Variants in FAP observed in about 807,000 individuals in gnomAD.
The protein encoded by FAP is fibroblast activation protein alpha.
In FAP, 110 loss-of-function variants were observed where a neutral mutation model predicts 126.5. That is an observed-to-expected ratio of 0.87 (90% CI 0.74 to 1.02). The LOEUF (loss-of-function observed/expected upper bound fraction) is 1.02, where lower values mean the gene tolerates loss of function less well. Ranked by LOEUF, FAP falls within the 50% of genes least tolerant of loss-of-function variation. The pLI is 0.00. For synonymous variants in FAP, 334 were observed against 297.3 expected (o/e 1.12, Z -1.27); for missense variants, 919 against 909.2 (o/e 1.01, Z -0.14).
chr2:162,225,385 T>C (rs1689594793), intron 4 of FAP, 98 bp downstream of exon 4: 7 of 1,474,518 alleles, frequency 4.7e-6, no homozygotes, highest in East Asian at 4.9e-5. Context: ...GGAAGGCAAG[T>C]TGTGTCCAGA....
intron 24 of FAP, 75 bp downstream of exon 24, chr2:162,173,074 G>A: frequency 7.3e-7 from 1 of 1,366,278 alleles, no homozygotes; most frequent in Admixed American, 1.7e-5. Context: ...AGGCATAGGA[G>A]GATGCTTAAT....
chr2:162,216,740 A>G (rs377564130), intron 9 of FAP, among the ~76,000 whole-genome samples: 1 of 152,140 alleles, frequency 6.6e-6, no homozygotes, highest in East Asian at 1.9e-4. Context: ...GTATGTAATG[A>G]CTCAGTGCTG....
In FAP at chr2:162,219,161, A is replaced by C; in HGVS notation, c.509T>G (p.Ile170Ser). The C allele has an allele frequency of 6.2e-7, 1 of 1,607,178 alleles. No homozygotes were observed. The highest frequency in any genetic ancestry group is 8.5e-7 in the Non-Finnish European group (1 of 1,176,518). ...ATCTCCTGGTCTTTGTTTCAAATAG[A>C]TATTGTTTTGATAGACATATGCCTA... is the stretch of plus-strand genomic sequence containing the variant. ...SKLAYVYQNNIYLKQRPGDPP... is the reference protein window; with the variant it reads ...SKLAYVYQNNSYLKQRPGDPP... Residue 170 changes from isoleucine to serine, a missense_variant, in exon 8 of 26, where the codon ATC becomes AGC. Transcript: ENST00000188790.
intron 21 of FAP, among the ~76,000 whole-genome samples, chr2:162,179,252 T>C (rs961865918): frequency 6.6e-6 from 1 of 151,678 alleles, no homozygotes; most frequent in African/African-American, 2.4e-5. Flanking sequence ...CAGGTTTTTT[T>C]TTTTTTTTTT....
chr2:162,193,612 C>T (rs1264330697), intron 17 of FAP: 1 of 152,142 alleles, frequency 6.6e-6, no homozygotes, highest in Non-Finnish European at 1.5e-5. Context: ...ATCAATCTCA[C>T]TGACTGAGAT....
Position 162,198,556 on chromosome 2 carries a change from ACT to A in FAP, c.1402+199_1402+200del, listed in dbSNP as rs139697094. 2,832 of 779,472 alleles carry A rather than the reference ACT, an allele frequency of 3.6e-3. 67 individuals are homozygous for A. The African/African-American group carries it at 0.043, about 12-fold the overall frequency. The allele number at this position is 779,472 out of a possible 1,614,324, so 48.3% of individuals were successfully genotyped here. On this transcript the variant is annotated intron_variant, in intron 16 of 25. Coordinates refer to ENST00000188790, the MANE Select transcript of FAP (RefSeq NM_004460.5). ...TTGGCAAGTTACCCTGTTTCCCCAA[ACT>A]CTGTTTCCTCAGTTGCAAAAAAGTA...
At chr2:162,221,311 C>A (rs1689385506) in intron 6 of FAP, among the ~76,000 whole-genome samples, 1 of 152,074 alleles carries the variant, frequency 6.6e-6, no homozygotes, top group Non-Finnish European at 1.5e-5. Flanking sequence ...CGGCGGATTT[C>A]TTGAGGCCAG....
rs1011651864 is a variant in FAP, at chr2:162,174,969, G to A, written c.1870-3C>T. The stretch of plus-strand genomic sequence containing the variant: ...GATGAAACGTATCCTCCATAGGACT[G>A]TAGAGACATTGTTATGAGTCAGACT... On this transcript the variant is annotated splice_region_variant and splice_polypyrimidine_tract_variant and intron_variant, in intron 21 of 25. Transcript: ENST00000188790. 1.9e-6 allele frequency: 3 copies of A among 1,600,800 alleles called. No homozygotes were observed. The highest frequency in any genetic ancestry group is 1.3e-5 in the African/African-American group (1 of 74,488).
chr2:162,189,893 A>C lies in FAP; in HGVS notation c.1451-139T>G, dbSNP rs1009650487. Reference sequence around the variant, plus strand: ...TAAGAAGTGAAGTTTCATATTGACAAATGTATTTATAATCCAGCCTTTAGA... The same window carrying C: ...TAAGAAGTGAAGTTTCATATTGACACATGTATTTATAATCCAGCCTTTAGA... On this transcript the variant is annotated intron_variant, in intron 17 of 25. Transcript: ENST00000188790. The C allele has an allele frequency of 6.8e-6, 4 of 585,476 alleles. No homozygotes were observed. The African/African-American group carries it at 7.6e-5, about 11-fold the overall frequency. The allele number at this position is 585,476 out of a possible 1,614,324, so 36.3% of individuals were successfully genotyped here.
chr2:162,233,569 T>C (rs1277950839), intron 2 of FAP, among the ~76,000 whole-genome samples: 2 of 152,174 alleles, frequency 1.3e-5, no homozygotes, highest in Non-Finnish European at 2.9e-5. Context: ...TGGAGTTATT[T>C]ATCTTTTTAT....
intron 21 of FAP, among the ~76,000 whole-genome samples, chr2:162,180,142 C>T (rs1178519406): frequency 6.6e-6 from 1 of 151,804 alleles, no homozygotes; most frequent in African/African-American, 2.4e-5. Flanking sequence ...GGAGAAGTGG[C>T]AAGAGATGAG....
chr2:162,222,554 T>C (rs1258960607), intron 6 of FAP, among the ~76,000 whole-genome samples: 1 of 152,182 alleles, frequency 6.6e-6, no homozygotes, highest in African/African-American at 2.4e-5. Context: ...CAGAAGATTT[T>C]TTTTCAATAC....
chr2:162,203,079 C>T lies in FAP; in HGVS notation c.1114G>A (p.Asp372Asn), dbSNP rs780552033. 1.9e-6 allele frequency: 3 copies of T among 1,613,566 alleles called. No individual in the cohort carries two copies. The highest frequency in any genetic ancestry group is 3.3e-5 in the Admixed American group (2 of 59,980). ...ISYYKIFSDK[D>N]GYKHIHYIKD... ...ATATAGTGAATATGTTTGTAGCCATCCTTGTCACTAAATATTTTGTAGTAC... is the reference window on the plus strand; with the variant it reads ...ATATAGTGAATATGTTTGTAGCCATTCTTGTCACTAAATATTTTGTAGTAC... The change falls in exon 13 of 26, where the codon GAT becomes AAT. Residue 372 changes from aspartate to asparagine, a missense_variant. Coordinates refer to ENST00000188790, the MANE Select transcript of FAP (RefSeq NM_004460.5).
At chr2:162,171,348 TCAGGCATCAGAGTTGC>T in intron 25 of FAP, 1 of 293,218 alleles carries the variant, frequency 3.4e-6, no homozygotes, top group Non-Finnish European at 6.4e-6. Flanking sequence ...AAGATCAGGA[TCAGGCATCAGAGTTGC>T]CAGAAGTGAT....
chr2:162,173,351 G>C (rs1207072302), intron 23 of FAP, 130 bp from the exon 24 acceptor site: 1 of 694,514 alleles, frequency 1.4e-6, no homozygotes. Flanking sequence ...ATATTTAAGA[G>C]TCAGAGCAAC....
Position 162,213,946 on chromosome 2 carries a change from A to G in FAP, c.994T>C (p.Cys332Arg). ...DFREDWQTWDCPKTQEHIEES... is the reference protein window; with the variant it reads ...DFREDWQTWDRPKTQEHIEES... ...ATCTTAATATACCCTACCTTTGGAC[A>G]ATCCCATGTCTGCCAGTCTTCCCTG... is the stretch of plus-strand genomic sequence containing the variant. The change falls in exon 11 of 26, where the codon TGT (cysteine) becomes CGT (arginine). Residue 332 changes from cysteine to arginine, a missense_variant. Physicochemically the swap from Cys to Arg is radical, Grantham distance 180. Coordinates refer to ENST00000188790, the MANE Select transcript of FAP (RefSeq NM_004460.5). The G allele has an allele frequency of 6.2e-7, 1 of 1,613,406 alleles. No individual in the cohort carries two copies. The highest frequency in any genetic ancestry group is 8.5e-7 in the Non-Finnish European group (1 of 1,179,592).
In FAP at chr2:162,243,370, G is replaced by T; in HGVS notation, c.-43C>A. 7 of 1,606,006 alleles carry T rather than the reference G, an allele frequency of 4.4e-6. No homozygotes were observed. The highest frequency in any genetic ancestry group is 5.1e-6 in the Non-Finnish European group (6 of 1,176,768). ...AAAGTTAGCTAATTCTGTCTTCAGA[G>T]CGTGGGTCACTGGATCTGTGAAAAC... On this transcript the variant is annotated 5_prime_UTR_variant, in exon 1 of 26. Coordinates refer to ENST00000188790, the MANE Select transcript of FAP (RefSeq NM_004460.5).
Position 162,219,181 on chromosome 2 carries a change from T to G in FAP, c.489A>C (p.Ala163=). The change falls in exon 8 of 26, where the codon GCA becomes GCC. Residue 163 remains alanine (A), a splice_region_variant and synonymous_variant. Coordinates refer to ENST00000188790, the MANE Select transcript of FAP (RefSeq NM_004460.5). The part of the protein sequence containing the change: ...LCWSPVGSKL[A]YVYQNNIYLK... ...AATAGATATTGTTTTGATAGACATA[T>G]GCCTAAAAGTGGTGGTAAGGGGAAA... 1 of 1,602,036 alleles carries G rather than the reference T, an allele frequency of 6.2e-7. No homozygotes were observed.
rs535147244 is a variant in FAP at position 162,215,553 on chromosome 2, T to G, written c.866+345A>C. Among the ~76,000 whole-genome samples the G allele has an allele frequency of 9.0e-4, 137 of 152,296 alleles. 4 individuals are homozygous for G. In the South Asian group the frequency reaches 0.028, roughly 31 times the overall value. On this transcript the variant is annotated intron_variant, in intron 10 of 25. Transcript: ENST00000188790. ...TCTCTTATTTATCATACACATGTGA[T>G]CCACATAGATCCACAAACCCTGGCT... is the stretch of plus-strand genomic sequence containing the variant.
Sources: allele counts gnomAD v4.1 joint callset (sites outside exome capture counted in the v4.1 genomes callset), GRCh38; gene constraint gnomAD v4.1.1; transcripts MANE v1.5; gene names NCBI Gene and HGNC (gene_info 2026-07-23, HGNC 2026-07-21).